SPAG16: variants seen among roughly 807,000 people sequenced by gnomAD.
The protein encoded by SPAG16 is sperm associated antigen 16, also known as sperm-associated antigen 16 protein.
In SPAG16, 86 loss-of-function variants were observed where a neutral mutation model predicts 80.4. That is an observed-to-expected ratio of 1.07 (90% CI 0.90 to 1.28). SPAG16 has a LOEUF of 1.28. SPAG16 is among the 50% of genes most tolerant of loss of function. The pLI, the probability that SPAG16 is intolerant of heterozygous loss-of-function variation, is 0.00. For missense variants in SPAG16, 870 were observed against 765.3 expected, an observed-to-expected ratio of 1.14 and a Z score of -1.61; for synonymous variants, 294 against 265.9, an observed-to-expected ratio of 1.11 and a Z score of -1.03.
At chr2:214,223,390 G>T (rs971616666) in intron 15 of SPAG16, among the ~76,000 whole-genome samples, 4 of 151,898 alleles carry the variant, frequency 2.6e-5, no homozygotes, top group African/African-American at 7.2e-5. Context: ...GGTTCACTTC[G>T]AGAGTTGTTT....
chr2:214,291,824 C>T (rs891016047), intron 15 of SPAG16, among the ~76,000 whole-genome samples: 4 of 151,928 alleles, frequency 2.6e-5, no homozygotes, highest in African/African-American at 9.7e-5. Context: ...TGTATCTCTT[C>T]TTCATTTGTG....
intron 15 of SPAG16, among the ~76,000 whole-genome samples, chr2:214,376,858 A>G (rs540452085): frequency 6.6e-6 from 1 of 152,336 alleles, no homozygotes; most frequent in South Asian, 2.1e-4. Flanking sequence ...ACAATGTAGT[A>G]TCAGTTGACC....
rs559127134 is a variant in SPAG16, at chr2:214,166,773, T to G, written c.1720+17507T>G. On this transcript the variant is annotated intron_variant, in intron 15 of 15. Transcript: ENST00000331683. ...GTGCGTAGGCATTCTCTGAGAAGTG[T>G]TTTGCCTTTTGTTCTAAATTTTCTA... Among the ~76,000 whole-genome samples, 8 of 152,264 alleles carry G rather than the reference T, an allele frequency of 5.3e-5. No homozygotes were observed. In the South Asian group the frequency reaches 1.5e-3, roughly 28 times the overall value.
intron 12 of SPAG16, among the ~76,000 whole-genome samples, chr2:213,942,269 T>A (rs2079234183): frequency 6.6e-6 from 1 of 152,220 alleles, no homozygotes; most frequent in Non-Finnish European, 1.5e-5. Context: ...TTTCATTTCA[T>A]GTTTATAACC....
intron 10 of SPAG16, among the ~76,000 whole-genome samples, chr2:213,524,483 G>T (rs2075807131): frequency 6.6e-6 from 1 of 152,176 alleles, no homozygotes; most frequent in African/African-American, 2.4e-5. Context: ...TTCCCTGTGT[G>T]CCTGGAAAAG....
intron 6 of SPAG16, among the ~76,000 whole-genome samples, chr2:213,341,935 T>C (rs1483702051): frequency 6.6e-6 from 1 of 152,182 alleles, no homozygotes; most frequent in Non-Finnish European, 1.5e-5. Flanking sequence ...AGATGAATTA[T>C]GAAGTACTTA....
At chr2:214,211,318 A>G (rs1237690515) in intron 15 of SPAG16, among the ~76,000 whole-genome samples, 1 of 152,188 alleles carries the variant, frequency 6.6e-6, no homozygotes, top group Admixed American at 6.5e-5. Context: ...GTTGTTGTTC[A>G]TATTTTTAAC....
intron 15 of SPAG16, among the ~76,000 whole-genome samples, chr2:214,385,708 G>A (rs1238108138): frequency 6.6e-6 from 1 of 152,122 alleles, no homozygotes; most frequent in Non-Finnish European, 1.5e-5. Flanking sequence ...GCCGGGTGTG[G>A]TGGCACGCAC....
chr2:213,629,592 A>G (rs2062072730), intron 10 of SPAG16, among the ~76,000 whole-genome samples: 1 of 152,188 alleles, frequency 6.6e-6, no homozygotes, highest in Non-Finnish European at 1.5e-5. Flanking sequence ...AATGAGTACA[A>G]TTTGCACTCA....
intron 10 of SPAG16, among the ~76,000 whole-genome samples, chr2:213,760,244 C>T (rs541734946): frequency 1.2e-4 from 18 of 152,044 alleles, no homozygotes; most frequent in Non-Finnish European, 2.4e-4. Context: ...AAAGATTTCT[C>T]AGGCAAATAA....
intron 9 of SPAG16, among the ~76,000 whole-genome samples, chr2:213,485,059 A>G (rs553239930): frequency 1.3e-5 from 2 of 151,472 alleles, no homozygotes; most frequent in Middle Eastern, 3.4e-3. Flanking sequence ...CAGTGGCACA[A>G]TCCTGGCTCA....
chr2:214,372,551 T>C (rs1699889173), intron 15 of SPAG16, among the ~76,000 whole-genome samples: 1 of 152,202 alleles, frequency 6.6e-6, no homozygotes, highest in Non-Finnish European at 1.5e-5. Context: ...GACTCCAATT[T>C]TTTGTTGAGA....
At chr2:214,199,654 A>C (rs1393823384) in intron 15 of SPAG16, among the ~76,000 whole-genome samples, 22 of 152,016 alleles carry the variant, frequency 1.4e-4, no homozygotes, top group Admixed American at 1.4e-3. Context: ...ATGGTGTTTT[A>C]ATGAGAATTA....
chr2:213,732,585 T>A (rs949243404), intron 10 of SPAG16, among the ~76,000 whole-genome samples: 3 of 152,218 alleles, frequency 2.0e-5, no homozygotes, highest in African/African-American at 7.2e-5. Context: ...TTTAAGATAG[T>A]TTTTTCTAAT....
intron 12 of SPAG16, among the ~76,000 whole-genome samples, chr2:213,988,266 A>G (rs2046114543): frequency 1.3e-5 from 2 of 152,130 alleles, no homozygotes. Context: ...ATGGAGATTT[A>G]TAGTATACTC....
chr2:214,258,608 G>A (rs1401876518), intron 15 of SPAG16, among the ~76,000 whole-genome samples: 1 of 151,666 alleles, frequency 6.6e-6, no homozygotes, highest in Admixed American at 6.6e-5. Context: ...TAAACATGCG[G>A]GGGCAAGTGT....
chr2:214,201,103 A>G (rs1284725624), intron 15 of SPAG16, among the ~76,000 whole-genome samples: 2 of 152,178 alleles, frequency 1.3e-5, no homozygotes, highest in African/African-American at 4.8e-5. Context: ...TTGTGGATCA[A>G]TTAGCAAAAA....
chr2:213,466,177 G>C (rs769834092), intron 9 of SPAG16, among the ~76,000 whole-genome samples: 4 of 152,150 alleles, frequency 2.6e-5, no homozygotes, highest in Non-Finnish European at 1.5e-5. Context: ...TCAGCTTGCA[G>C]ACAGCCTACT....
At chr2:213,456,223 A>T (rs557637363) in intron 9 of SPAG16, among the ~76,000 whole-genome samples, 1 of 152,184 alleles carries the variant, frequency 6.6e-6, no homozygotes, top group African/African-American at 2.4e-5. Context: ...AAGAATTTGT[A>T]TGCTGTAATT....
Sources: allele counts gnomAD v4.1 joint callset (sites outside exome capture counted in the v4.1 genomes callset), GRCh38; gene constraint gnomAD v4.1.1; transcripts MANE v1.5; gene names NCBI Gene and HGNC (gene_info 2026-07-23, HGNC 2026-07-21).